The following HARS1 variants were observed in gnomAD, a reference collection of about 807,000 sequenced individuals.
HARS1 encodes histidine--tRNA ligase, cytoplasmic.
Under a neutral mutation model 63.6 loss-of-function variants are expected in HARS1, and 45 were observed. The ratio of observed to expected loss-of-function variants is 0.71; its 90% CI spans 0.56 to 0.91. HARS1 has a LOEUF of 0.91. HARS1 is among the 40% of genes least tolerant of loss of function. The pLI is 0.00. For synonymous variants in HARS1, 205 were observed against 247.1 expected (o/e 0.83, Z 1.60); for missense variants, 508 against 643.2 (o/e 0.79, Z 2.27).
chr5:140,690,206 C>T (rs1281267753), intron 2 of HARS1, among the ~76,000 whole-genome samples: 2 of 152,212 alleles, frequency 1.3e-5, no homozygotes, highest in Non-Finnish European at 2.9e-5. Flanking sequence ...AATCCCAGCA[C>T]TTTGGGAGAC....
chr5:140,690,568 T>G (rs1250585311), intron 2 of HARS1, among the ~76,000 whole-genome samples: 1 of 152,232 alleles, frequency 6.6e-6, no homozygotes, highest in African/African-American at 2.4e-5. Flanking sequence ...CAGTGCTTTG[T>G]ATAGTGCTAG....
rs550778711 is a variant in HARS1 at position 140,677,689 on chromosome 5, C to A, written c.695G>T (p.Arg232Leu). Residue 232 changes from arginine to leucine, a missense_variant, in exon 7 of 13, where the codon CGT (arginine) becomes CTT (leucine). This residue lies in a region of HARS1 where 403 missense variants were observed against 548.7 expected (regional missense o/e 0.73). Transcript: ENST00000504156. The part of the protein sequence containing the change: ...AICGVSDSKF[R>L]TICSSVDKLD... ...CTTGTCTACTGAGGAGCAGATGGTA[C>A]GGAACTTGCTGTCAGAAACACCACA... 6.2e-7 allele frequency: 1 copy of A among 1,611,458 alleles called. No homozygotes were observed. The highest frequency in any genetic ancestry group is 1.7e-5 in the Admixed American group (1 of 59,730).
Position 140,689,669 on chromosome 5 carries a change from T to A in HARS1, c.180+1186A>T, listed in dbSNP as rs1158736166. Among the ~76,000 whole-genome samples the A allele has an allele frequency of 2.0e-5, 3 of 152,216 alleles. No individual in the cohort carries two copies. In the East Asian group the frequency reaches 5.8e-4, roughly 29 times the overall value. ...CCACAGTTGGTTGAATCTGTGAATG[T>A]GGGACCTTGGGATATGGAGGGCTGA... On this transcript the variant is annotated intron_variant, in intron 2 of 12. Transcript: ENST00000504156.
At chr5:140,675,402 T>C (rs747624006) in intron 10 of HARS1, 3 of 325,542 alleles carry the variant, frequency 9.2e-6, no homozygotes, top group Non-Finnish European at 1.7e-5. Flanking sequence ...TATCTCCATG[T>C]AGTACCTTTT....
chr5:140,681,547 T>C (rs959355604), intron 3 of HARS1, among the ~76,000 whole-genome samples: 1 of 152,080 alleles, frequency 6.6e-6, no homozygotes, highest in Non-Finnish European at 1.5e-5. Context: ...ACACGTGTTG[T>C]AATCCCAGCT....
intron 3 of HARS1, 141 bp downstream of exon 3, chr5:140,682,959 C>T: frequency 1.4e-6 from 1 of 709,584 alleles, no homozygotes; most frequent in Non-Finnish European, 2.4e-6. Flanking sequence ...CCATTCTTGT[C>T]CCCCTTCTTA....
In HARS1 at chr5:140,676,997, C is replaced by A. The variant is rs868069845; in HGVS notation, c.943G>T (p.Asp315Tyr). The A allele has an allele frequency of 1.9e-6, 3 of 1,614,130 alleles. No homozygotes were observed. The highest frequency in any genetic ancestry group is 3.3e-5 in the Admixed American group (2 of 60,016). Residue 315 changes from aspartate (D) to tyrosine (Y), a missense_variant, in exon 9 of 13, where the codon GAT becomes TAT. Transcript: ENST00000504156. The surrounding 1 kb of genome is among the most constrained non-coding windows in gnomAD (Gnocchi z 4.1). ...TCCCCAACTTGACTCACTTTGTCAT[C>A]AATGCCAAATAGGGTCAGGTACTCA... ...LFEYLTLFGI[D>Y]DKISFDLSLA...
At position 140,676,580 on chromosome 5, in the gene HARS1, G is replaced by A; in HGVS notation, c.1194+74C>T. On this transcript the variant is annotated intron_variant, in intron 10 of 12. Transcript: ENST00000504156. The surrounding 1 kb of genome is among the most constrained non-coding windows in gnomAD (Gnocchi z 4.1). ...CTCCCTGCCCAAAGCAGCACCACTT[G>A]CTCCCTTGGAGATCAGATAGCTTAG... The A allele has an allele frequency of 1.3e-6, 2 of 1,495,680 alleles. No individual in the cohort carries two copies. Among genetic ancestry groups the A allele is most frequent in the African/African-American group, 1.4e-5 (1 of 72,556 alleles). The allele number at this position is 1,495,680 out of a possible 1,614,324, so 92.7% of individuals were successfully genotyped here. A position where few individuals can be genotyped will look rare whatever the true frequency, so the allele number is the denominator to read the frequency against.
chr5:140,687,669 T>C (rs1320178866), intron 2 of HARS1: 1 of 152,238 alleles, frequency 6.6e-6, no homozygotes, highest in Non-Finnish European at 1.5e-5. Context: ...TGCATGGCAG[T>C]GAAGAACACA....
chr5:140,688,034 G>A (rs1403062473), intron 2 of HARS1: 2 of 152,328 alleles, frequency 1.3e-5, no homozygotes, highest in African/African-American at 4.8e-5. Context: ...AACCCGGGAG[G>A]CGGAGGTTGC....
chr5:140,674,403 G>T, intron 12 of HARS1, 75 bp from the exon 13 acceptor site: 1 of 1,046,356 alleles, frequency 9.6e-7, no homozygotes, highest in Non-Finnish European at 1.5e-6. Context: ...GTTTCCTCTA[G>T]CCCTCTAGGC....
At chr5:140,674,353 G>T (rs776281376) in intron 12 of HARS1, 25 bp from the exon 13 acceptor site, 54 of 1,508,010 alleles carry the variant, frequency 3.6e-5, no homozygotes, top group South Asian at 1.1e-5. Context: ...AGAAGAAGGT[G>T]GTATAAGCAT....
Position 140,674,357 on chromosome 5 carries a change from T to C in HARS1, c.1459-29A>G, listed in dbSNP as rs370891415. On this transcript the variant is annotated intron_variant, in intron 12 of 12. Coordinates refer to ENST00000504156, the MANE Select transcript of HARS1 (RefSeq NM_002109.6). ...GCCAGGATGGGAGAAGAAGGTGGTA[T>C]AAGCATCTTCCATTCCACTGCTCCC... is the stretch of plus-strand genomic sequence containing the variant. The C allele has an allele frequency of 2.9e-4, 421 of 1,459,278 alleles. 1 individual carries two copies. Among genetic ancestry groups the C allele is most frequent in the Admixed American group, 2.0e-4 (12 of 59,838 alleles). The allele number at this position is 1,459,278 out of a possible 1,614,324, so 90.4% of individuals were successfully genotyped here.
At chr5:140,690,408 G>A (rs920917550) in intron 2 of HARS1, among the ~76,000 whole-genome samples, 38 of 151,980 alleles carry the variant, frequency 2.5e-4, no homozygotes, top group South Asian at 6.2e-4. Flanking sequence ...GCCAAGATGT[G>A]CCACTGCACT....
chr5:140,686,917 C>T lies in HARS1; in HGVS notation c.181-3698G>A, dbSNP rs534174454. Among the ~76,000 whole-genome samples, 12 of 152,316 alleles carry T rather than the reference C, an allele frequency of 7.9e-5. 1 individual carries two copies. In the East Asian group the frequency reaches 1.3e-3, roughly 17 times the overall value. ...CTAAGTTTTCTAAAATTCTAACTTT[C>T]ACCTGAATACTTGAATTTTTTCACT... On this transcript the variant is annotated intron_variant, in intron 2 of 12. Coordinates refer to ENST00000504156, the MANE Select transcript of HARS1 (RefSeq NM_002109.6).
At chr5:140,685,618 C>G (rs812381) in intron 2 of HARS1, among the ~76,000 whole-genome samples, 77,132 of 151,044 alleles carry the variant, frequency 0.51, 20,353 homozygotes, top group African/African-American at 0.64. Flanking sequence ...CTACCTGGGA[C>G]GCTGAGGCAG....
At position 140,684,426 on chromosome 5, in the gene HARS1, T is replaced by C. The variant is rs1758906503; in HGVS notation, c.181-1207A>G. 6.1e-6 allele frequency: 6 copies of C among 981,086 alleles called. No homozygotes were observed. In the South Asian group the frequency reaches 2.8e-4, roughly 46 times the overall value. 60.8% of individuals were successfully genotyped at this position (981,086 alleles called of 1,614,324 possible). ...TGAATTCCAAATTTTATAAGCAACGTTTCTCTCCCAATATAACTTTTCTTT... is the reference window on the plus strand; with the variant it reads ...TGAATTCCAAATTTTATAAGCAACGCTTCTCTCCCAATATAACTTTTCTTT... On this transcript the variant is annotated intron_variant, in intron 2 of 12. Coordinates refer to ENST00000504156, the MANE Select transcript of HARS1 (RefSeq NM_002109.6).
At chr5:140,685,719 C>CAAA (rs60936249) in intron 2 of HARS1, among the ~76,000 whole-genome samples, 1,895 of 116,248 alleles carry the variant, frequency 0.016, 34 homozygotes, top group Non-Finnish European at 0.02. Context: ...GACTCTGTCT[C>CAAA]AAAAAAAAAA....
At chr5:140,674,351 G>T in intron 12 of HARS1, 23 bp from the exon 13 acceptor site, 1 of 1,517,870 alleles carries the variant, frequency 6.6e-7, no homozygotes, top group Non-Finnish European at 9.2e-7. Flanking sequence ...GGAGAAGAAG[G>T]TGGTATAAGC....
Sources: allele counts gnomAD v4.1 joint callset (sites outside exome capture counted in the v4.1 genomes callset), GRCh38; gene constraint gnomAD v4.1.1; regional missense constraint gnomAD v4.1.1; non-coding constraint Gnocchi (gnomAD v3.1); transcripts MANE v1.5; gene names NCBI Gene and HGNC (gene_info 2026-07-23, HGNC 2026-07-21).